MB21D2: variants seen among roughly 807,000 people sequenced by gnomAD.
MB21D2 encodes the protein Mab-21 domain containing 2, also known as nucleotidyltransferase MB21D2.
In MB21D2, 9 loss-of-function variants were observed where a neutral mutation model predicts 33.3. The observed-to-expected ratio is 0.27, with a 90% CI of 0.16 to 0.47. MB21D2 has a LOEUF of 0.47. MB21D2 is among the 20% of genes least tolerant of loss of function. MB21D2 has a pLI of 0.99. For synonymous variants in MB21D2, 241 were observed against 236.3 expected (o/e 1.02, Z -0.18); for missense variants, 540 against 624.6 (o/e 0.86, Z 1.44).
intron 1 of MB21D2, among the ~76,000 whole-genome samples, chr3:192,857,982 G>A (rs567171738): frequency 1.3e-5 from 2 of 152,148 alleles, no homozygotes; most frequent in East Asian, 1.9e-4. Context: ...AAAATTAGCC[G>A]GGCATGGTGG....
intron 1 of MB21D2, among the ~76,000 whole-genome samples, chr3:192,891,405 G>A (rs890098931): frequency 6.6e-6 from 1 of 152,104 alleles, no homozygotes; most frequent in African/African-American, 2.4e-5. Context: ...TAATGTAACA[G>A]AACAAGAGCA....
At chr3:192,874,735 G>A (rs1463881) in intron 1 of MB21D2, among the ~76,000 whole-genome samples, 93,057 of 152,086 alleles carry the variant, frequency 0.61, 30,371 homozygotes, top group African/African-American at 0.84. Flanking sequence ...CGTCCAGCCA[G>A]TGGGGAGCAC....
intron 1 of MB21D2, among the ~76,000 whole-genome samples, chr3:192,837,612 A>G (rs1258700104): frequency 6.6e-6 from 1 of 152,212 alleles, no homozygotes; most frequent in Non-Finnish European, 1.5e-5. Context: ...GCTCTCGCTC[A>G]CTGGTTTCCA....
At chr3:192,804,426 T>TAC (rs10552964) in intron 1 of MB21D2, among the ~76,000 whole-genome samples, 3,967 of 147,126 alleles carry the variant, frequency 0.027, 52 homozygotes, top group Non-Finnish European at 0.034. Flanking sequence ...TTAAAACAGA[T>TAC]ACACACACAC....
At chr3:192,875,783 G>A (rs1713415784) in intron 1 of MB21D2, among the ~76,000 whole-genome samples, 1 of 152,160 alleles carries the variant, frequency 6.6e-6, no homozygotes, top group Non-Finnish European at 1.5e-5. Flanking sequence ...CCATAATCAT[G>A]TTAAGACAGG....
intron 1 of MB21D2, among the ~76,000 whole-genome samples, chr3:192,847,518 G>A (rs1369911401): frequency 3.3e-5 from 5 of 152,182 alleles, no homozygotes; most frequent in Middle Eastern, 6.3e-3. Context: ...CATGAAACAT[G>A]AGGATTAAAT....
chr3:192,823,179 C>T (rs2108617110), intron 1 of MB21D2, among the ~76,000 whole-genome samples: 1 of 152,206 alleles, frequency 6.6e-6, no homozygotes, highest in African/African-American at 2.4e-5. Flanking sequence ...GTGGTGTTAA[C>T]CAAACACATT....
chr3:192,834,809 C>CTTTTTTTT (rs71177378), intron 1 of MB21D2, among the ~76,000 whole-genome samples: 1 of 119,882 alleles, frequency 8.3e-6, no homozygotes, highest in African/African-American at 3.3e-5. Context: ...GAGGATTGTT[C>CTTTTTTTT]TTTTTTTTTT....
At chr3:192,870,700 A>G (rs533706146) in intron 1 of MB21D2, among the ~76,000 whole-genome samples, 18 of 61,204 alleles carry the variant, frequency 2.9e-4, no homozygotes, top group African/African-American at 1.3e-3. Context: ...GACTCCGTTG[A>G]AAAAAAAAAA....
At chr3:192,803,244 C>T (rs1050313367) in intron 1 of MB21D2, among the ~76,000 whole-genome samples, 5 of 152,186 alleles carry the variant, frequency 3.3e-5, no homozygotes, top group African/African-American at 1.2e-4. Flanking sequence ...GTTCTCTTTC[C>T]TCTCAATGAT....
At chr3:192,825,699 T>C (rs1447907404) in intron 1 of MB21D2, among the ~76,000 whole-genome samples, 1 of 152,204 alleles carries the variant, frequency 6.6e-6, no homozygotes, top group Non-Finnish European at 1.5e-5. Context: ...ACTTAGTATG[T>C]AGATGAGGCA....
chr3:192,876,731 A>G (rs1217750034), intron 1 of MB21D2, among the ~76,000 whole-genome samples: 1 of 152,108 alleles, frequency 6.6e-6, no homozygotes, highest in Non-Finnish European at 1.5e-5. Flanking sequence ...CCCTGGGTTC[A>G]TGGCCTTTGA....
intron 1 of MB21D2, among the ~76,000 whole-genome samples, chr3:192,884,362 A>G (rs930762378): frequency 6.6e-6 from 1 of 151,942 alleles, no homozygotes; most frequent in Admixed American, 6.6e-5. Flanking sequence ...GTGGAGGTGC[A>G]TGTCTTTTTT....
rs558715034 is a variant in MB21D2, at chr3:192,904,515, C to T, written c.211+13115G>A. ...TTCTATCAGCCCAGACCCTCGGCCC[C>T]GGGCCCTTGGCTGCGGTTCTTAAAG... On this transcript the variant is annotated intron_variant, in intron 1 of 1. Transcript: ENST00000392452. 1.4e-4 allele frequency among the ~76,000 whole-genome samples: 22 copies of T among 152,324 alleles called. No homozygotes were observed. The South Asian group carries it at 1.5e-3, about 10-fold the overall frequency.
intron 1 of MB21D2, among the ~76,000 whole-genome samples, chr3:192,802,939 C>G (rs933159293): frequency 6.6e-6 from 1 of 152,156 alleles, no homozygotes; most frequent in African/African-American, 2.4e-5. Flanking sequence ...TCCTCTTAGG[C>G]GTAACTAACT....
chr3:192,819,744 T>C lies in MB21D2; in HGVS notation c.212-20094A>G. ...GGTCCCCAAGTCCCCTCTCTAATCA[T>C]TCCAAAGCTGTCTAAAAAGACTTTA... On this transcript the variant is annotated intron_variant, in intron 1 of 1. Transcript: ENST00000392452. Among the ~76,000 whole-genome samples the C allele has an allele frequency of 2.0e-5, 3 of 152,300 alleles. No individual in the cohort carries two copies. In the Middle Eastern group the frequency reaches 0.01, roughly 518 times the overall value.
At chr3:192,912,057 G>A (rs1441183836) in intron 1 of MB21D2, among the ~76,000 whole-genome samples, 1 of 152,174 alleles carries the variant, frequency 6.6e-6, no homozygotes, top group East Asian at 1.9e-4. Flanking sequence ...ACCCACTCTG[G>A]AGATGTAGAA....
intron 1 of MB21D2, among the ~76,000 whole-genome samples, chr3:192,884,494 G>A (rs1406920496): frequency 6.6e-6 from 1 of 151,454 alleles, no homozygotes; most frequent in Non-Finnish European, 1.5e-5. Flanking sequence ...AGCCTCCCGA[G>A]TAGCTGGGAC....
chr3:192,833,531 AAAC>A (rs1468842702), intron 1 of MB21D2, among the ~76,000 whole-genome samples: 1 of 152,204 alleles, frequency 6.6e-6, no homozygotes, highest in African/African-American at 2.4e-5. Context: ...AATATTCCAC[AAAC>A]AATAATTAAG....
Sources: gnomAD v4.1 joint callset for allele counts (sites outside exome capture counted in the v4.1 genomes callset) on GRCh38, gnomAD v4.1.1 for gene constraint, MANE v1.5 for transcripts, NCBI Gene and HGNC (gene_info 2026-07-23, HGNC 2026-07-21) for gene names.